CCDC180: variants seen among roughly 807,000 people sequenced by gnomAD.
CCDC180 encodes coiled-coil domain-containing protein 180.
Under a neutral mutation model 209.2 loss-of-function variants are expected in CCDC180, and 154 were observed. The observed-to-expected ratio is 0.74, with a 90% CI of 0.65 to 0.84. The LOEUF (loss-of-function observed/expected upper bound fraction) is 0.84, where lower values mean the gene tolerates loss of function less well. Among genes scored for constraint, CCDC180 ranks in the 40% least tolerant of loss-of-function variants. CCDC180 has a pLI of 0.00. For missense variants in CCDC180, 1,874 were observed against 1,997.3 expected (o/e 0.94, Z 1.18); for synonymous variants, 778 against 749.1 (o/e 1.04, Z -0.63).
chr9:97,331,394 T>C (rs1825744622), intron 18 of CCDC180, among the ~76,000 whole-genome samples: 1 of 152,210 alleles, frequency 6.6e-6, no homozygotes, highest in African/African-American at 2.4e-5. Flanking sequence ...TGCATGCATG[T>C]GTCTTTATGG....
chr9:97,328,581 C>T (rs1825630953), intron 16 of CCDC180, among the ~76,000 whole-genome samples: 2 of 152,158 alleles, frequency 1.3e-5, no homozygotes, highest in Non-Finnish European at 2.9e-5. Flanking sequence ...CTCCCTCATC[C>T]AGCAGACTCA....
chr9:97,355,843 G>A (rs1564170220), intron 24 of CCDC180, among the ~76,000 whole-genome samples: 2 of 152,170 alleles, frequency 1.3e-5, no homozygotes, highest in African/African-American at 2.4e-5. Context: ...TAGGCGGTGG[G>A]GAGTGAAGCA....
Position 97,330,720 on chromosome 9 carries a change from G to A in CCDC180, c.2227G>A (p.Glu743Lys). ...GGAGGAGAAGCTGGAGGAAGAGAAGGAGGAGAAGGAGGCACAGGAAGAGCA... is the reference window on the plus strand; with the variant it reads ...GGAGGAGAAGCTGGAGGAAGAGAAGAAGGAGAAGGAGGCACAGGAAGAGCA... ...EEEEKLEEEK[E>K]EKEAQEEQES... Residue 743 changes from glutamate to lysine, a missense_variant, in exon 18 of 37, where the codon GAG (glutamate) becomes AAG (lysine). Physicochemically the swap from Glu to Lys is moderately conservative, Grantham distance 56. Coordinates refer to ENST00000529487, the MANE Select transcript of CCDC180 (RefSeq NM_020893.6). The A allele has an allele frequency of 1.2e-6, 2 of 1,605,518 alleles. No individual in the cohort carries two copies. The highest frequency in any genetic ancestry group is 1.7e-6 in the Non-Finnish European group (2 of 1,179,368).
chr9:97,362,305 G>A lies in CCDC180; in HGVS notation c.3766G>A (p.Gly1256Ser), dbSNP rs1826782775. The change falls in exon 28 of 37, where the codon GGT becomes AGT. Residue 1256 changes from glycine (G) to serine (S), a missense_variant. Transcript: ENST00000529487. Reference protein sequence around the residue: ...SRGSSEAGAGGAVCSPPVLCS... With the variant: ...SRGSSEAGAGSAVCSPPVLCS... Reference sequence around the variant, plus strand: ...GGGCAGCAGTGAGGCAGGGGCTGGTGGTGCTGTGTGCTCACCTCCTGTCCT... The same window carrying A: ...GGGCAGCAGTGAGGCAGGGGCTGGTAGTGCTGTGTGCTCACCTCCTGTCCT... The A allele has an allele frequency of 6.2e-7, 1 of 1,614,150 alleles. No homozygotes were observed.
intron 28 of CCDC180, chr9:97,363,580 C>A (rs1455517073): frequency 3.8e-6 from 2 of 531,920 alleles, no homozygotes; most frequent in Non-Finnish European, 7.8e-6. Flanking sequence ...AATTTCAGAT[C>A]AACACCACCT....
intron 18 of CCDC180, among the ~76,000 whole-genome samples, chr9:97,334,822 A>C (rs986829984): frequency 6.6e-6 from 1 of 152,204 alleles, no homozygotes; most frequent in African/African-American, 2.4e-5. Context: ...AGTGCCACCA[A>C]GAAAGTTTCA....
At chr9:97,342,605 T>C (rs772690157) in intron 18 of CCDC180, among the ~76,000 whole-genome samples, 1 of 152,188 alleles carries the variant, frequency 6.6e-6, no homozygotes, top group Non-Finnish European at 1.5e-5. Flanking sequence ...AAATTCATTT[T>C]CCTCTCCTCA....
chr9:97,347,205 T>G (rs1453847875), intron 19 of CCDC180, 109 bp from the exon 20 acceptor site: 4 of 1,049,860 alleles, frequency 3.8e-6, no homozygotes, highest in Non-Finnish European at 5.4e-6. Context: ...AGCTGGGAAA[T>G]GAAATGAAGA....
At chr9:97,356,402 A>C (rs1826587437) in intron 24 of CCDC180, among the ~76,000 whole-genome samples, 1 of 152,170 alleles carries the variant, frequency 6.6e-6, no homozygotes, top group South Asian at 2.1e-4. Context: ...CATTTAATTC[A>C]TCCATCTGTG....
chr9:97,348,301 C>A (rs1048272645), intron 20 of CCDC180, among the ~76,000 whole-genome samples: 4 of 152,184 alleles, frequency 2.6e-5, no homozygotes, highest in Non-Finnish European at 4.4e-5. Context: ...CCTTGAATCC[C>A]AGCGTTTGTG....
intron 18 of CCDC180, among the ~76,000 whole-genome samples, chr9:97,341,402 G>T (rs1429409615): frequency 5.3e-5 from 8 of 152,164 alleles, no homozygotes; most frequent in African/African-American, 1.9e-4. Context: ...ATTCCTTTCT[G>T]TTTGTTAGTT....
At chr9:97,329,063 C>A (rs939889143) in intron 16 of CCDC180, among the ~76,000 whole-genome samples, 2 of 152,152 alleles carry the variant, frequency 1.3e-5, no homozygotes, top group African/African-American at 2.4e-5. Context: ...TGAACCTGGC[C>A]AAAGGTTTCC....
Position 97,354,628 on chromosome 9 carries a change from T to G in CCDC180, c.3062T>G (p.Leu1021Arg). 6.2e-7 allele frequency: 1 copy of G among 1,614,242 alleles called. No individual in the cohort carries two copies. The highest frequency in any genetic ancestry group is 1.3e-5 in the African/African-American group (1 of 75,070). ...GAAATCAATTCACTGTGTTCCCGAC[T>G]GGAGAAGGAAGCTGCCCGGATAGAG... Reference protein sequence around the residue: ...PKEINSLCSRLEKEAARIELV... With the variant: ...PKEINSLCSRREKEAARIELV... Residue 1021 changes from leucine (L) to arginine (R), a missense_variant, in exon 23 of 37, where the codon CTG becomes CGG. Leu to Arg is a moderately radical substitution (Grantham distance 102). Transcript: ENST00000529487.
At chr9:97,335,721 T>G (rs1291973773) in intron 18 of CCDC180, among the ~76,000 whole-genome samples, 3 of 152,220 alleles carry the variant, frequency 2.0e-5, no homozygotes, top group Non-Finnish European at 4.4e-5. Flanking sequence ...TCAAATGGTA[T>G]TTCTAGTTCT....
rs748354785 is a variant in CCDC180 at position 97,362,188 on chromosome 9, G to C, written c.3657-8G>C. The C allele has an allele frequency of 2.7e-5, 44 of 1,609,028 alleles. No individual in the cohort carries two copies. The highest frequency in any genetic ancestry group is 3.5e-5 in the Non-Finnish European group (41 of 1,176,282). ...GAGAAGAGCTCACACCCTTTCCTTT[G>C]GTTTCAGACTTCCCAACACAAAATG... On this transcript the variant is annotated splice_polypyrimidine_tract_variant and splice_region_variant and intron_variant, in intron 27 of 36. Coordinates refer to ENST00000529487, the MANE Select transcript of CCDC180 (RefSeq NM_020893.6).
At chr9:97,348,695 A>G (rs1358115205) in intron 20 of CCDC180, among the ~76,000 whole-genome samples, 1 of 152,164 alleles carries the variant, frequency 6.6e-6, no homozygotes, top group Admixed American at 6.5e-5. Flanking sequence ...GACAGTTGGA[A>G]TTCAGGCTCA....
At chr9:97,326,237 C>T (rs7040299) in intron 14 of CCDC180, among the ~76,000 whole-genome samples, 6,128 of 152,160 alleles carry the variant, frequency 0.04, 426 homozygotes, top group African/African-American at 0.14. Context: ...AGAAGAAGAG[C>T]GAGGAGCAGG....
At chr9:97,350,691 C>T in intron 22 of CCDC180, 136 bp downstream of exon 22, 1 of 942,238 alleles carries the variant, frequency 1.1e-6, no homozygotes, top group African/African-American at 1.7e-5. Flanking sequence ...TTTTTAGGTG[C>T]ACAGATCAGT....
chr9:97,345,461 A>C, intron 19 of CCDC180: 1 of 338,544 alleles, frequency 3.0e-6, no homozygotes, highest in Non-Finnish European at 5.6e-6. Context: ...GATGAGTATG[A>C]TATTGTATAC....
Sources: allele counts gnomAD v4.1 joint callset (sites outside exome capture counted in the v4.1 genomes callset), GRCh38; gene constraint gnomAD v4.1.1; transcripts MANE v1.5; gene names NCBI Gene and HGNC (gene_info 2026-07-23, HGNC 2026-07-21).